Variants in FAM228B observed in about 807,000 individuals in gnomAD.
FAM228B encodes the protein protein FAM228B.
A neutral mutation model predicts 42.6 loss-of-function variants in FAM228B; 38 were observed. That is an observed-to-expected ratio of 0.89 (90% CI 0.69 to 1.17). FAM228B has a LOEUF of 1.17. FAM228B is among the 50% of genes most tolerant of loss of function. The pLI is 0.00. For missense variants in FAM228B, 344 were observed against 367.3 expected (o/e 0.94, Z 0.52); for synonymous variants, 109 against 122.3 (o/e 0.89, Z 0.72).
intron 5 of FAM228B, among the ~76,000 whole-genome samples, chr2:24,145,626 T>C (rs1396758879): frequency 6.6e-6 from 1 of 152,042 alleles, no homozygotes; most frequent in Admixed American, 6.5e-5. Context: ...GAGTCCAATG[T>C]CATTTAAAAT....
rs1180414116 is a variant in FAM228B at position 24,084,342 on chromosome 2, A to C, written c.-210+3387A>C. On this transcript the variant is annotated intron_variant, in intron 2 of 10. Coordinates refer to the FAM228B transcript ENST00000613899. The surrounding 1 kb of genome is among the most constrained non-coding windows in gnomAD (Gnocchi z 8.4). ...CGGCTAACATATTGTCTGAGGACAC[A>C]GGGCAGGGCAGGGCAGGACAGGACA... 1.4e-6 allele frequency: 2 copies of C among 1,425,314 alleles called. No individual in the cohort carries two copies. Among genetic ancestry groups the C allele is most frequent in the Non-Finnish European group, 9.5e-7 (1 of 1,048,952 alleles). The allele number at this position is 1,425,314 out of a possible 1,614,324, so 88.3% of individuals were successfully genotyped here.
At chr2:24,151,062 A>G (rs1667009256) in intron 7 of FAM228B, among the ~76,000 whole-genome samples, 1 of 151,952 alleles carries the variant, frequency 6.6e-6, no homozygotes, top group South Asian at 2.1e-4. Context: ...TAACTCTTAG[A>G]TTTGCACTTT....
chr2:24,154,807 T>C (rs1022876119), intron 7 of FAM228B, among the ~76,000 whole-genome samples: 2 of 152,200 alleles, frequency 1.3e-5, no homozygotes, highest in Non-Finnish European at 2.9e-5. Context: ...TTTTTTGCCC[T>C]TGGGGTGAGA....
At chr2:24,117,877 C>A (rs1304453928) in intron 3 of FAM228B, among the ~76,000 whole-genome samples, 1 of 152,150 alleles carries the variant, frequency 6.6e-6, no homozygotes, top group East Asian at 1.9e-4. Context: ...GGATATCAGC[C>A]TTGTCCATCC....
intron 3 of FAM228B, among the ~76,000 whole-genome samples, chr2:24,105,273 C>T (rs1477519674): frequency 6.6e-6 from 1 of 152,184 alleles, no homozygotes; most frequent in Non-Finnish European, 1.5e-5. Context: ...CCTAAGGGAG[C>T]TCCATGGACC....
intron 10 of FAM228B, 75 bp downstream of exon 10, chr2:24,167,758 T>C (rs958018112): frequency 4.7e-6 from 7 of 1,491,458 alleles, no homozygotes; most frequent in Non-Finnish European, 6.4e-6. Context: ...ATTTCTGATA[T>C]CTTCAGAGTC....
intron 3 of FAM228B, among the ~76,000 whole-genome samples, chr2:24,099,675 T>C (rs1311233625): frequency 1.3e-5 from 2 of 152,144 alleles, no homozygotes; most frequent in African/African-American, 4.8e-5. Flanking sequence ...ATCAATATCA[T>C]GAAAATGGCC....
At chr2:24,092,924 G>GCACACA (rs3030954) in intron 2 of FAM228B, among the ~76,000 whole-genome samples, 13,080 of 133,350 alleles carry the variant, frequency 0.098, 790 homozygotes, top group East Asian at 0.14. Flanking sequence ...ATGATTTTAT[G>GCACACA]CACACACACA....
chr2:24,106,176 T>C (rs1665694002), intron 3 of FAM228B, among the ~76,000 whole-genome samples: 1 of 151,890 alleles, frequency 6.6e-6, no homozygotes, highest in Admixed American at 6.6e-5. Context: ...TTCTCCAAAG[T>C]TTACATGAAA....
chr2:24,149,041 T>C (rs1248693076), intron 7 of FAM228B, among the ~76,000 whole-genome samples: 2 of 152,240 alleles, frequency 1.3e-5, no homozygotes, highest in African/African-American at 4.8e-5. Context: ...ATCCATATTG[T>C]TGCTAATAAC....
In FAM228B at chr2:24,124,393, C is replaced by A. The variant is rs1220450288; in HGVS notation, c.32C>A (p.Thr11Asn). The A allele has an allele frequency of 1.9e-6, 3 of 1,551,650 alleles. No individual in the cohort carries two copies. In the South Asian group the frequency reaches 3.6e-5, roughly 18 times the overall value. The change falls in exon 2 of 11, where the codon ACT becomes AAT. Residue 11 changes from threonine (T) to asparagine (N), a missense_variant. Coordinates refer to ENST00000615575, the MANE Select transcript of FAM228B (RefSeq NM_001145710.2). Reference sequence around the variant, plus strand: ...AATGTAGACAGTGATGATCTGGTAACTGGCACACTTCCCAAGCTCAAGAGC... The same window carrying A: ...AATGTAGACAGTGATGATCTGGTAAATGGCACACTTCCCAAGCTCAAGAGC... MKNVDSDDLV[T>N]GTLPKLKSSK...
intron 7 of FAM228B, among the ~76,000 whole-genome samples, chr2:24,152,097 G>C (rs567347721): frequency 6.6e-6 from 1 of 152,252 alleles, no homozygotes; most frequent in East Asian, 1.9e-4. Context: ...TCAATCTCCT[G>C]ACCTCAGGTA....
At chr2:24,104,799 A>G (rs1414331316) in intron 3 of FAM228B, among the ~76,000 whole-genome samples, 1 of 151,766 alleles carries the variant, frequency 6.6e-6, no homozygotes, top group Non-Finnish European at 1.5e-5. Flanking sequence ...AAGGCACATG[A>G]CCATACCCAC....
At chr2:24,089,343 A>G (rs1665334115) in intron 2 of FAM228B, among the ~76,000 whole-genome samples, 1 of 152,230 alleles carries the variant, frequency 6.6e-6, no homozygotes, top group Non-Finnish European at 1.5e-5. Flanking sequence ...AAGGAGATAC[A>G]ACCACAGATA....
intron 3 of FAM228B, chr2:24,096,485 T>C (rs1418975596): frequency 6.6e-6 from 1 of 152,150 alleles, no homozygotes; most frequent in East Asian, 1.9e-4. Context: ...TCGTGACACA[T>C]GCACAACCTT....
intron 1 of FAM228B, chr2:24,079,709 G>A: frequency 6.9e-7 from 1 of 1,442,640 alleles, no homozygotes; most frequent in Non-Finnish European, 9.6e-7. Flanking sequence ...GTATATTTGG[G>A]GATTATGGAT....
intron 2 of FAM228B, among the ~76,000 whole-genome samples, chr2:24,134,309 A>G (rs1558385275): frequency 6.6e-6 from 1 of 152,228 alleles, no homozygotes; most frequent in African/African-American, 2.4e-5. Context: ...AAGTCTTTCT[A>G]AGACCTTGTA....
upstream of FAM228B, among the ~76,000 whole-genome samples, chr2:24,119,164 C>G (rs577427006): frequency 1.3e-5 from 2 of 151,990 alleles, no homozygotes; most frequent in Non-Finnish European, 2.9e-5. Flanking sequence ...TGCCTTTTTA[C>G]CCTGCTGTCT....
upstream of FAM228B, among the ~76,000 whole-genome samples, chr2:24,118,936 T>G (rs1385596445): frequency 6.6e-6 from 1 of 152,170 alleles, no homozygotes; most frequent in Non-Finnish European, 1.5e-5. Context: ...AATTTAGATT[T>G]TGAAAAATCT....
Sources: gnomAD v4.1 joint callset for allele counts (sites outside exome capture counted in the v4.1 genomes callset) on GRCh38, gnomAD v4.1.1 for gene constraint, Gnocchi (gnomAD v3.1) non-coding constraint, MANE v1.5 for transcripts, NCBI Gene and HGNC (gene_info 2026-07-23, HGNC 2026-07-21) for gene names.